Variants in TANC2 observed in about 807,000 individuals in gnomAD.
TANC2 encodes tetratricopeptide repeat, ankyrin repeat and coiled-coil containing 2.
In TANC2, 26 loss-of-function variants were observed where a neutral mutation model predicts 210.5. That is an observed-to-expected ratio of 0.12 (90% CI 0.09 to 0.17). The LOEUF (loss-of-function observed/expected upper bound fraction) is 0.17, where lower values mean the gene tolerates loss of function less well. Ranked by LOEUF, TANC2 falls within the 10% of genes least tolerant of loss-of-function variation. TANC2 has a pLI of 1.00. For missense variants in TANC2, 2,129 were observed against 2,608.9 expected, an observed-to-expected ratio of 0.82 and a Z score of 4.01; for synonymous variants, 931 against 967.1, an observed-to-expected ratio of 0.96 and a Z score of 0.69.
At chr17:63,219,511 A>G (rs988332961) in intron 7 of TANC2, among the ~76,000 whole-genome samples, 7 of 152,204 alleles carry the variant, frequency 4.6e-5, no homozygotes, top group Non-Finnish European at 8.8e-5. Flanking sequence ...CCCAGGTTCA[A>G]ACAGTTCTCC....
chr17:63,371,516 T>C (rs2147021712), intron 14 of TANC2, among the ~76,000 whole-genome samples: 1 of 152,098 alleles, frequency 6.6e-6, no homozygotes, highest in East Asian at 1.9e-4. Flanking sequence ...TCTGAAGCAT[T>C]AGAAGGTTGT....
chr17:63,029,439 T>A (rs547169712), intron 2 of TANC2, among the ~76,000 whole-genome samples: 38 of 32,066 alleles, frequency 1.2e-3, no homozygotes, highest in African/African-American at 2.2e-3. Context: ...GCATAAATTT[T>A]CTGAGAAAGT....
chr17:63,404,093 C>T (rs1279497915), intron 19 of TANC2, among the ~76,000 whole-genome samples: 1 of 152,158 alleles, frequency 6.6e-6, no homozygotes, highest in Non-Finnish European at 1.5e-5. Flanking sequence ...CTGACTACTA[C>T]ATCAATTTTT....
At chr17:63,252,787 C>T (rs529383602) in intron 8 of TANC2, among the ~76,000 whole-genome samples, 1 of 151,828 alleles carries the variant, frequency 6.6e-6, no homozygotes. Flanking sequence ...TTTACCTAGT[C>T]GTCTGTTTTT....
intron 11 of TANC2, among the ~76,000 whole-genome samples, chr17:63,333,295 T>TA (rs1440378464): frequency 8.5e-5 from 13 of 152,218 alleles, no homozygotes; most frequent in Non-Finnish European, 7.3e-5. Context: ...AGGAGGTCAA[T>TA]ATTAACATTA....
chr17:63,274,909 C>T (rs2043825693), intron 9 of TANC2, among the ~76,000 whole-genome samples: 2 of 152,154 alleles, frequency 1.3e-5, no homozygotes, highest in Admixed American at 1.3e-4. Context: ...AATGTCCACT[C>T]TTTCTGATCA....
At chr17:63,275,229 A>G (rs764798048) in intron 9 of TANC2, among the ~76,000 whole-genome samples, 14 of 152,122 alleles carry the variant, frequency 9.2e-5, no homozygotes, top group Non-Finnish European at 2.9e-5. Flanking sequence ...TTCATTTCTC[A>G]ATATATGGTG....
intron 4 of TANC2, among the ~76,000 whole-genome samples, chr17:63,146,092 A>T (rs1248869464): frequency 6.6e-6 from 1 of 151,974 alleles, no homozygotes; most frequent in East Asian, 1.9e-4. Context: ...GCAATGTTTG[A>T]TAGTTTTTGG....
At chr17:62,971,161 G>A (rs912727472) in intron 1 of TANC2, among the ~76,000 whole-genome samples, 2 of 151,642 alleles carry the variant, frequency 1.3e-5, no homozygotes, top group African/African-American at 2.4e-5. Context: ...GATGAAGACC[G>A]TTTAAAATGA....
chr17:63,108,287 T>A (rs1567728468), intron 4 of TANC2, among the ~76,000 whole-genome samples: 2 of 151,816 alleles, frequency 1.3e-5, no homozygotes, highest in Non-Finnish European at 2.9e-5. Flanking sequence ...CTTGGAATGT[T>A]CTAAACAAAA....
chr17:63,147,170 C>CAA (rs532404338), intron 4 of TANC2, among the ~76,000 whole-genome samples: 2 of 144,532 alleles, frequency 1.4e-5, no homozygotes, highest in South Asian at 2.2e-4. Flanking sequence ...CTGTCTCTAC[C>CAA]AAAAAAAAAA....
chr17:63,031,403 T>G (rs2034764382), intron 2 of TANC2, among the ~76,000 whole-genome samples: 1 of 152,162 alleles, frequency 6.6e-6, no homozygotes, highest in Admixed American at 6.6e-5. Flanking sequence ...AAATGATTTT[T>G]TTCAAAGTAA....
intron 2 of TANC2, among the ~76,000 whole-genome samples, chr17:63,023,463 C>G (rs760018944): frequency 2.6e-5 from 4 of 152,192 alleles, no homozygotes; most frequent in Non-Finnish European, 5.9e-5. Flanking sequence ...ACTTCAGCCT[C>G]CCACGTAGCT....
chr17:63,124,795 G>A (rs1183349476), intron 4 of TANC2, among the ~76,000 whole-genome samples: 1 of 152,130 alleles, frequency 6.6e-6, no homozygotes, highest in African/African-American at 2.4e-5. Context: ...AGAGGCACTA[G>A]ATTCTCACAG....
At chr17:63,267,445 G>A (rs139986531) in intron 8 of TANC2, among the ~76,000 whole-genome samples, 354 of 152,048 alleles carry the variant, frequency 2.3e-3, no homozygotes, top group Middle Eastern at 0.01. Flanking sequence ...TGCTTAGTTT[G>A]TTTTGCTTTT....
intron 9 of TANC2, among the ~76,000 whole-genome samples, chr17:63,300,325 C>G (rs189682546): frequency 6.6e-6 from 1 of 152,262 alleles, no homozygotes; most frequent in African/African-American, 2.4e-5. Context: ...TGAAGAATCT[C>G]AATGGTAGTT....
intron 5 of TANC2, among the ~76,000 whole-genome samples, chr17:63,174,077 G>A (rs192148452): frequency 2.1e-3 from 313 of 152,320 alleles, no homozygotes; most frequent in Non-Finnish European, 2.9e-3. Flanking sequence ...CTTCATGACA[G>A]CTGCCATGCT....
chr17:63,356,928 C>T (rs992307300), intron 14 of TANC2, among the ~76,000 whole-genome samples: 1 of 152,150 alleles, frequency 6.6e-6, no homozygotes, highest in Non-Finnish European at 1.5e-5. Flanking sequence ...ATAGACCCTT[C>T]TGGTGTATCT....
At chr17:63,210,385 A>G (rs2041848132) in intron 7 of TANC2, among the ~76,000 whole-genome samples, 1 of 151,954 alleles carries the variant, frequency 6.6e-6, no homozygotes, top group African/African-American at 2.4e-5. Context: ...CATGAAGCAG[A>G]CTCTGATTAT....
Sources: gnomAD v4.1 joint callset for allele counts (sites outside exome capture counted in the v4.1 genomes callset) on GRCh38, gnomAD v4.1.1 for gene constraint, MANE v1.5 for transcripts, NCBI Gene and HGNC (gene_info 2026-07-23, HGNC 2026-07-21) for gene names.